PPP4R4: variants seen among roughly 807,000 people sequenced by gnomAD.
The protein encoded by PPP4R4 is protein phosphatase 4 regulatory subunit 4, also known as serine/threonine-protein phosphatase 4 regulatory subunit 4.
In PPP4R4, 70 loss-of-function variants were observed where a neutral mutation model predicts 121.8. The observed-to-expected ratio is 0.57, with a 90% CI of 0.47 to 0.70. The LOEUF (loss-of-function observed/expected upper bound fraction) is 0.70, where lower values mean the gene tolerates loss of function less well. Ranked by LOEUF, PPP4R4 falls within the 30% of genes least tolerant of loss-of-function variation. The probability of loss-of-function intolerance (pLI) is 0.00; values close to 1 mark genes in which losing one functional copy is unlikely to be tolerated. For synonymous variants in PPP4R4, 348 were observed against 355.7 expected (o/e 0.98, Z 0.24); for missense variants, 875 against 1,033.6 (o/e 0.85, Z 2.10).
intron 3 of PPP4R4, among the ~76,000 whole-genome samples, chr14:94,225,856 GA>G (rs1048329318): frequency 6.6e-6 from 1 of 151,926 alleles, no homozygotes; most frequent in African/African-American, 2.4e-5. Flanking sequence ...TGACTTGGGA[GA>G]AAAAAAGCCC....
At chr14:94,258,707 C>A (rs1893607583) in intron 17 of PPP4R4, 76 bp from the exon 18 acceptor site, 4 of 1,123,818 alleles carry the variant, frequency 3.6e-6, no homozygotes, top group South Asian at 2.7e-5. Context: ...CCTCCATTTG[C>A]AAAATAAGTT....
intron 3 of PPP4R4, among the ~76,000 whole-genome samples, chr14:94,209,727 G>T (rs865939584): frequency 2.0e-5 from 3 of 152,204 alleles, no homozygotes; most frequent in Middle Eastern, 3.4e-3. Context: ...ACCTGGAAGT[G>T]CCAGTTAAAC....
At chr14:94,259,145 C>T in intron 18 of PPP4R4, 150 bp from the exon 19 acceptor site, 7 of 1,347,908 alleles carry the variant, frequency 5.2e-6, no homozygotes, top group Non-Finnish European at 7.0e-6. Flanking sequence ...CCCGGTCCCT[C>T]CCACAACATG....
chr14:94,274,279 T>C (rs1894513863), intron 23 of PPP4R4, among the ~76,000 whole-genome samples: 1 of 151,796 alleles, frequency 6.6e-6, no homozygotes, highest in African/African-American at 2.4e-5. Context: ...AACAAAAATA[T>C]CAACACACTG....
At position 94,208,588 on chromosome 14, in the gene PPP4R4, T is replaced by C. The variant is rs766980460; in HGVS notation, c.294+22T>C. The C allele has an allele frequency of 8.9e-6, 14 of 1,566,412 alleles. No individual in the cohort carries two copies. The African/African-American group carries it at 1.1e-4, about 12-fold the overall frequency. ...CAGAGTAAGTTGGTATGAAATAAGA[T>C]TGGAGTTTCCCATTTTTTCCCAGTA... On this transcript the variant is annotated intron_variant, in intron 3 of 24. Coordinates refer to ENST00000304338, the MANE Select transcript of PPP4R4 (RefSeq NM_058237.2).
At chr14:94,256,647 G>T (rs576764031) in intron 17 of PPP4R4, 43 bp downstream of exon 17, 83 of 1,496,092 alleles carry the variant, frequency 5.5e-5, no homozygotes, top group Middle Eastern at 1.8e-4. Flanking sequence ...TTTGCATTAA[G>T]GCAGTAAGAA....
chr14:94,242,030 A>C, intron 10 of PPP4R4, 73 bp downstream of exon 10: 1 of 1,401,226 alleles, frequency 7.1e-7, no homozygotes, highest in Non-Finnish European at 9.8e-7. Flanking sequence ...ATGGCATTCA[A>C]AATATTGCCA....
At chr14:94,250,710 A>G (rs1194442865) in intron 15 of PPP4R4, among the ~76,000 whole-genome samples, 2 of 151,926 alleles carry the variant, frequency 1.3e-5, no homozygotes, top group Non-Finnish European at 1.5e-5. Context: ...TTGGTTTATA[A>G]TGTCTTAAGA....
intron 2 of PPP4R4, among the ~76,000 whole-genome samples, chr14:94,204,384 T>C (rs1433598988): frequency 6.6e-6 from 1 of 152,044 alleles, no homozygotes; most frequent in Non-Finnish European, 1.5e-5. Context: ...CAAAAATCAG[T>C]TGGGCATATG....
chr14:94,264,845 T>C (rs765583616), intron 19 of PPP4R4, 33 bp from the exon 20 acceptor site: 1 of 1,493,978 alleles, frequency 6.7e-7, no homozygotes, highest in Non-Finnish European at 9.2e-7. Context: ...ACTTCAGTTG[T>C]ACCTTTAATG....
rs188301537 is a variant in PPP4R4 at position 94,278,810 on chromosome 14, T to A, written c.*167T>A. The A allele has an allele frequency of 1.2e-5, 6 of 494,324 alleles. No homozygotes were observed. Among genetic ancestry groups the A allele is most frequent in the African/African-American group, 1.2e-4 (6 of 50,228 alleles). The allele number at this position is 494,324 out of a possible 1,614,324, so 30.6% of individuals were successfully genotyped here. On this transcript the variant is annotated 3_prime_UTR_variant, in exon 25 of 25. Coordinates refer to ENST00000304338, the MANE Select transcript of PPP4R4 (RefSeq NM_058237.2). Reference sequence around the variant, plus strand: ...CATAATGACAGCTGATGTTAAACTTTTCATATTTCAAATTAGATTCCCTAG... The same window carrying A: ...CATAATGACAGCTGATGTTAAACTTATCATATTTCAAATTAGATTCCCTAG...
chr14:94,179,715 C>T (rs1007518407), intron 2 of PPP4R4, among the ~76,000 whole-genome samples: 7 of 152,142 alleles, frequency 4.6e-5, no homozygotes, highest in Non-Finnish European at 7.4e-5. Context: ...CTTTGAGCTC[C>T]GTTATCACTT....
intron 16 of PPP4R4, 133 bp from the exon 17 acceptor site, chr14:94,256,327 T>A: frequency 2.9e-6 from 2 of 689,974 alleles, no homozygotes; most frequent in Admixed American, 3.3e-5. Context: ...GTTTGACACA[T>A]AATAGACACT....
Position 94,203,883 on chromosome 14 carries a change from A to G in PPP4R4, c.192-4581A>G, listed in dbSNP as rs183784955. 2.2e-4 allele frequency among the ~76,000 whole-genome samples: 34 copies of G among 152,124 alleles called. 1 individual carries two copies. Among genetic ancestry groups the G allele is most frequent in the African/African-American group, 7.7e-4 (32 of 41,506 alleles). ...TGTCTTTTACCCATTTTTGAATTGG[A>G]TTGTGTATTTTATTACTATTGAGTT... On this transcript the variant is annotated intron_variant, in intron 2 of 24. Coordinates refer to ENST00000304338, the MANE Select transcript of PPP4R4 (RefSeq NM_058237.2).
intron 18 of PPP4R4, 67 bp from the exon 19 acceptor site, chr14:94,259,223 TGAAAG>T (rs1893640932): frequency 6.5e-7 from 1 of 1,529,392 alleles, no homozygotes; most frequent in Non-Finnish European, 8.8e-7. Context: ...TCATTTATAT[TGAAAG>T]GAATATTTTA....
intron 17 of PPP4R4, among the ~76,000 whole-genome samples, chr14:94,257,309 T>C (rs1253854799): frequency 6.6e-6 from 1 of 152,106 alleles, no homozygotes. Context: ...AATATATAAC[T>C]AATATTTTTA....
intron 23 of PPP4R4, among the ~76,000 whole-genome samples, chr14:94,272,624 C>T (rs191926446): frequency 6.2e-4 from 94 of 152,104 alleles, no homozygotes; most frequent in African/African-American, 2.0e-3. Flanking sequence ...ATGTCAAAGG[C>T]GCAATCTATG....
At chr14:94,232,354 T>C (rs1376343540) in intron 5 of PPP4R4, among the ~76,000 whole-genome samples, 1 of 152,220 alleles carries the variant, frequency 6.6e-6, no homozygotes, top group African/African-American at 2.4e-5. Flanking sequence ...TCATACAGTT[T>C]ATGGTCCTGT....
Position 94,258,190 on chromosome 14 carries a change from G to A in PPP4R4, c.2011-593G>A, listed in dbSNP as rs139057158. On this transcript the variant is annotated intron_variant, in intron 17 of 24. Coordinates refer to ENST00000304338, the MANE Select transcript of PPP4R4 (RefSeq NM_058237.2). ...TGCATATCCAAATGTACTTTATTTT[G>A]GCCATTAGGGTTACTCTTGTAGAAT... 3.4e-3 allele frequency among the ~76,000 whole-genome samples: 521 copies of A among 152,162 alleles called. 4 individuals are homozygous for A. The highest frequency in any genetic ancestry group is 0.027 in the Middle Eastern group (8 of 294).
Sources: gnomAD v4.1 joint callset for allele counts (sites outside exome capture counted in the v4.1 genomes callset) on GRCh38, gnomAD v4.1.1 for gene constraint, MANE v1.5 for transcripts, NCBI Gene and HGNC (gene_info 2026-07-23, HGNC 2026-07-21) for gene names.